Variants in VAV2 observed in about 807,000 individuals in gnomAD.
The protein encoded by VAV2 is vav guanine nucleotide exchange factor 2.
In VAV2, 67 loss-of-function variants were observed where a neutral mutation model predicts 132.5. The observed-to-expected ratio is 0.51, with a 90% CI of 0.42 to 0.62. The LOEUF (loss-of-function observed/expected upper bound fraction) is 0.62. Among genes scored for constraint, VAV2 ranks in the 20% least tolerant of loss-of-function variants. The pLI is 0.00. For synonymous variants in VAV2, 492 were observed against 443.5 expected (o/e 1.11, Z -1.37); for missense variants, 938 against 1,153.6 (o/e 0.81, Z 2.71).
intron 1 of VAV2, among the ~76,000 whole-genome samples, chr9:133,943,901 C>T (rs904338004): frequency 6.6e-6 from 1 of 152,246 alleles, no homozygotes; most frequent in Non-Finnish European, 1.5e-5. Context: ...GTGACACAGG[C>T]TCCATGCCCA....
At chr9:133,809,395 A>T (rs1835277885) in intron 6 of VAV2, among the ~76,000 whole-genome samples, 1 of 152,226 alleles carries the variant, frequency 6.6e-6, no homozygotes, top group African/African-American at 2.4e-5. Flanking sequence ...GCTTGGAGGC[A>T]GAGCCTTCTA....
chr9:133,826,631 C>A lies in VAV2; in HGVS notation c.449+7641G>T, dbSNP rs187445152. 1.3e-5 allele frequency among the ~76,000 whole-genome samples: 2 copies of A among 152,308 alleles called. No individual in the cohort carries two copies. The highest frequency in any genetic ancestry group is 1.3e-4 in the Admixed American group (2 of 15,306). On this transcript the variant is annotated intron_variant, in intron 4 of 29. Coordinates refer to ENST00000371850, the MANE Select transcript of VAV2 (RefSeq NM_001134398.2). This position sits in a 1 kb window ranked among gnomAD's most constrained non-coding sequence, Gnocchi z 4.2. ...CACACTCTGGGAAGAGGCTCCAGGT[C>A]CAACCACCCCTCCCCCAGCCACCTA...
rs566411626 is a variant in VAV2 at position 133,961,105 on chromosome 9, G to A, written c.205-21886C>T. ...TCACGGGCGGCCCCAAGCTCTCCAG[G>A]TGGGAGCTGCTGAGCGCTTTTAGTT... On this transcript the variant is annotated intron_variant, in intron 1 of 29. Coordinates refer to ENST00000371850, the MANE Select transcript of VAV2 (RefSeq NM_001134398.2). This position sits in a 1 kb window ranked among gnomAD's most constrained non-coding sequence, Gnocchi z 4.1. Among the ~76,000 whole-genome samples the A allele has an allele frequency of 2.2e-4, 33 of 152,370 alleles. 2 individuals carry two copies. In the South Asian group the frequency reaches 6.6e-3, roughly 31 times the overall value.
At chr9:133,841,171 G>A (rs1304321006) in intron 3 of VAV2, among the ~76,000 whole-genome samples, 1 of 152,058 alleles carries the variant, frequency 6.6e-6, no homozygotes, top group Non-Finnish European at 1.5e-5. Flanking sequence ...GCTTCCATGA[G>A]GACTGTGGGG....
Position 133,974,039 on chromosome 9 carries a change from G to A in VAV2, c.204+18036C>T, listed in dbSNP as rs116597272. Among the ~76,000 whole-genome samples the A allele has an allele frequency of 5.4e-3, 820 of 152,212 alleles. 8 individuals carry two copies. The highest frequency in any genetic ancestry group is 0.018 in the African/African-American group (763 of 41,530). Reference sequence around the variant, plus strand: ...ACCTGTTCCAGAACGCTCCCTTCACGCTCACCTGGCGCACTGTCACGCAGG... The same window carrying A: ...ACCTGTTCCAGAACGCTCCCTTCACACTCACCTGGCGCACTGTCACGCAGG... On this transcript the variant is annotated intron_variant, in intron 1 of 29. Transcript: ENST00000371850.
rs111900362 is a variant in VAV2 at position 133,828,421 on chromosome 9, C to T, written c.449+5851G>A. Among the ~76,000 whole-genome samples the T allele has an allele frequency of 2.2e-4, 3 of 13,668 alleles. 1 individual carries two copies. The highest frequency in any genetic ancestry group is 1.8e-4 in the Non-Finnish European group (1 of 5,564). The allele number at this position is 13,668 out of a possible 152,430, so 9.0% of individuals were successfully genotyped here. A position where few individuals can be genotyped will look rare whatever the true frequency, so the allele number is the denominator to read the frequency against. On this transcript the variant is annotated intron_variant, in intron 4 of 29. Coordinates refer to ENST00000371850, the MANE Select transcript of VAV2 (RefSeq NM_001134398.2). ...ACTGAGTGGGGGCATCACCACCTACCGCTGCGCCCACTGGGGCTGACCACT... is the reference window on the plus strand; with the variant it reads ...ACTGAGTGGGGGCATCACCACCTACTGCTGCGCCCACTGGGGCTGACCACT...
chr9:133,978,941 AG>A (rs1395528699), intron 1 of VAV2, among the ~76,000 whole-genome samples: 2 of 152,208 alleles, frequency 1.3e-5, no homozygotes, highest in Non-Finnish European at 2.9e-5. Flanking sequence ...CCGGTGAAGA[AG>A]GGGGCTCATC....
At chr9:133,971,005 T>G (rs1842313838) in intron 1 of VAV2, among the ~76,000 whole-genome samples, 1 of 152,218 alleles carries the variant, frequency 6.6e-6, no homozygotes, top group Non-Finnish European at 1.5e-5. Context: ...TTTTCCTTTT[T>G]GAAATAAAAA....
intron 2 of VAV2, among the ~76,000 whole-genome samples, chr9:133,886,141 G>A (rs1838694996): frequency 6.6e-6 from 1 of 152,200 alleles, no homozygotes; most frequent in African/African-American, 2.4e-5. Flanking sequence ...GGGAGGGAAA[G>A]ACAGGAAGGA....
In VAV2 at chr9:133,777,464, C is replaced by G. The variant is rs768969725; in HGVS notation, c.1891-1G>C. 4 of 1,613,474 alleles carry G rather than the reference C, an allele frequency of 2.5e-6. No homozygotes were observed. The highest frequency in any genetic ancestry group is 3.4e-6 in the Non-Finnish European group (4 of 1,179,986). ...ACTTCCTGGTTTGTACCAGACGACC[C>G]TGGCAGAGGAAAGAGATGGTTAGGA... On this transcript the variant is annotated splice_acceptor_variant, in intron 22 of 29. Coordinates refer to ENST00000371850, the MANE Select transcript of VAV2 (RefSeq NM_001134398.2). LOFTEE classifies it high-confidence loss of function.
intron 1 of VAV2, among the ~76,000 whole-genome samples, chr9:133,966,608 G>A (rs1032713106): frequency 4.6e-5 from 7 of 152,124 alleles, no homozygotes; most frequent in Non-Finnish European, 8.8e-5. Context: ...TGGGGGCTGA[G>A]GTGAATCACT....
intron 4 of VAV2, among the ~76,000 whole-genome samples, chr9:133,825,565 C>T (rs992946404): frequency 6.6e-6 from 1 of 152,174 alleles, no homozygotes; most frequent in African/African-American, 2.4e-5. Context: ...ACTCGGGCTC[C>T]ACACTCAGGC....
At position 133,972,373 on chromosome 9, in the gene VAV2, T is replaced by C. The variant is rs78204371; in HGVS notation, c.204+19702A>G. On this transcript the variant is annotated intron_variant, in intron 1 of 29. Transcript: ENST00000371850. ...CAGGCTTGCAGCCCAGGCGCTGCGA[T>C]GCTGGGGCAGGGCAGGGGTGGGGGA... Among the ~76,000 whole-genome samples, 1,021 of 152,324 alleles carry C rather than the reference T, an allele frequency of 6.7e-3. 12 individuals carry two copies. The highest frequency in any genetic ancestry group is 0.03 in the East Asian group (156 of 5,170).
At chr9:133,801,428 C>T (rs1253601784) in intron 9 of VAV2, among the ~76,000 whole-genome samples, 2 of 152,238 alleles carry the variant, frequency 1.3e-5, no homozygotes, top group African/African-American at 4.8e-5. Flanking sequence ...ATGCACATGG[C>T]TCTCAACCCT....
chr9:133,876,632 A>C (rs547676835), intron 2 of VAV2, among the ~76,000 whole-genome samples: 11 of 152,318 alleles, frequency 7.2e-5, no homozygotes, highest in Non-Finnish European at 1.2e-4. Context: ...GAGATGCTTC[A>C]GGCTGCAAAG....
At chr9:133,985,285 GTTT>G (rs1460382772) in intron 1 of VAV2, among the ~76,000 whole-genome samples, 3 of 148,112 alleles carry the variant, frequency 2.0e-5, no homozygotes, top group Non-Finnish European at 4.5e-5. Flanking sequence ...TTTTGTTTTT[GTTT>G]TTGTTTTTTC....
At chr9:133,892,500 G>A (rs927016764) in intron 2 of VAV2, among the ~76,000 whole-genome samples, 1 of 151,998 alleles carries the variant, frequency 6.6e-6, no homozygotes, top group African/African-American at 2.4e-5. Flanking sequence ...TAAGTCACTT[G>A]GCCAAGATCA....
At chr9:133,882,009 A>G (rs1477537336) in intron 2 of VAV2, among the ~76,000 whole-genome samples, 3 of 152,202 alleles carry the variant, frequency 2.0e-5, no homozygotes, top group Non-Finnish European at 4.4e-5. Flanking sequence ...GTTTCAACCT[A>G]GTCTCCACTG....
intron 1 of VAV2, among the ~76,000 whole-genome samples, chr9:133,986,333 C>T (rs1842855734): frequency 6.6e-6 from 1 of 152,178 alleles, no homozygotes; most frequent in Non-Finnish European, 1.5e-5. Context: ...CTGTAACCTT[C>T]CAAAGAGTCA....
Sources: gnomAD v4.1 joint callset for allele counts (sites outside exome capture counted in the v4.1 genomes callset) on GRCh38, gnomAD v4.1.1 for gene constraint, Gnocchi (gnomAD v3.1) non-coding constraint, MANE v1.5 for transcripts, NCBI Gene and HGNC (gene_info 2026-07-23, HGNC 2026-07-21) for gene names.